Variants in TNIK observed in about 807,000 individuals in gnomAD.
TNIK encodes TRAF2 and NCK-interacting protein kinase.
Under a neutral mutation model 191.3 loss-of-function variants are expected in TNIK, and 49 were observed. The ratio of observed to expected loss-of-function variants is 0.26; its 90% CI spans 0.20 to 0.32. The LOEUF (loss-of-function observed/expected upper bound fraction) is 0.32. TNIK is among the 10% of genes least tolerant of loss of function. The pLI is 1.00. For missense variants in TNIK, 1,155 were observed against 1,702.3 expected (o/e 0.68, Z 5.66); for synonymous variants, 594 against 600.9 (o/e 0.99, Z 0.17).
Position 171,123,714 on chromosome 3 carries a change from C to T in TNIK, c.2014-12G>A. Reference sequence around the variant, plus strand: ...GTTCTTTGAGGCACCTGGAAGAAACCAGAATTCAGAAATATTTTCCATAAA... The same window carrying T: ...GTTCTTTGAGGCACCTGGAAGAAACTAGAATTCAGAAATATTTTCCATAAA... On this transcript the variant is annotated splice_polypyrimidine_tract_variant and intron_variant, in intron 17 of 32. Transcript: ENST00000436636. 1.3e-6 allele frequency: 2 copies of T among 1,545,548 alleles called. No homozygotes were observed. The highest frequency in any genetic ancestry group is 1.7e-6 in the Non-Finnish European group (2 of 1,143,216).
At chr3:171,068,143 C>T (rs893660178) in intron 30 of TNIK, among the ~76,000 whole-genome samples, 1 of 152,112 alleles carries the variant, frequency 6.6e-6, no homozygotes, top group Non-Finnish European at 1.5e-5. Flanking sequence ...CAGCATTTCC[C>T]TTTAACAGTT....
At chr3:171,118,939 G>T (rs1727213516) in intron 18 of TNIK, among the ~76,000 whole-genome samples, 1 of 152,184 alleles carries the variant, frequency 6.6e-6, no homozygotes, top group African/African-American at 2.4e-5. Flanking sequence ...ATTGACAAAT[G>T]GGATCTAATT....
Position 171,188,841 on chromosome 3 carries a change from G to T in TNIK, c.509-9C>A, listed in dbSNP as rs1737680217. The T allele has an allele frequency of 6.2e-7, 1 of 1,612,064 alleles. No homozygotes were observed. The highest frequency in any genetic ancestry group is 1.7e-5 in the Admixed American group (1 of 59,776). On this transcript the variant is annotated splice_polypyrimidine_tract_variant and intron_variant, in intron 6 of 32. Transcript: ENST00000436636. The stretch of plus-strand genomic sequence containing the variant: ...ACTGACTCCAAAGTCCACTATTTAA[G>T]AAAAGACAAGTAAATAAAGTCTGTG...
chr3:171,099,655 A>G (rs1723178067), intron 22 of TNIK, among the ~76,000 whole-genome samples: 1 of 152,116 alleles, frequency 6.6e-6, no homozygotes, highest in African/African-American at 2.4e-5. Flanking sequence ...TACACACAAC[A>G]TACAGCGGTA....
intron 1 of TNIK, among the ~76,000 whole-genome samples, chr3:171,402,364 G>A (rs1000867313): frequency 6.6e-6 from 1 of 152,188 alleles, no homozygotes; most frequent in African/African-American, 2.4e-5. Context: ...CCAGTCTAAA[G>A]AGAAGTAAAG....
At chr3:171,306,833 G>T (rs1048125001) in intron 2 of TNIK, among the ~76,000 whole-genome samples, 5 of 152,066 alleles carry the variant, frequency 3.3e-5, no homozygotes, top group African/African-American at 1.2e-4. Flanking sequence ...TCCATGCTCG[G>T]CTTTTCTTAA....
At chr3:171,324,789 G>A (rs1755554084) in intron 2 of TNIK, among the ~76,000 whole-genome samples, 1 of 152,140 alleles carries the variant, frequency 6.6e-6, no homozygotes, top group South Asian at 2.1e-4. Context: ...GTCAGAAAGA[G>A]ACCAGTTTGT....
intron 30 of TNIK, 96 bp downstream of exon 30, chr3:171,068,752 G>C: frequency 7.8e-7 from 1 of 1,280,980 alleles, no homozygotes; most frequent in Non-Finnish European, 1.0e-6. Context: ...TTAGTAAAGT[G>C]TGCATGACTT....
chr3:171,261,292 C>A (rs1394933245), intron 2 of TNIK, among the ~76,000 whole-genome samples: 1 of 152,208 alleles, frequency 6.6e-6, no homozygotes, highest in African/African-American at 2.4e-5. Context: ...AGTAAACAGA[C>A]ATACATATTT....
chr3:171,229,621 C>T (rs1011906581), intron 2 of TNIK, among the ~76,000 whole-genome samples: 87 of 152,292 alleles, frequency 5.7e-4, no homozygotes, highest in African/African-American at 2.0e-3. Context: ...TTCTCCCTTA[C>T]TAACCTAATT....
At chr3:171,172,947 C>T (rs868671046) in intron 9 of TNIK, among the ~76,000 whole-genome samples, 8 of 152,292 alleles carry the variant, frequency 5.3e-5, no homozygotes, top group Middle Eastern at 6.8e-3. Flanking sequence ...GTTTGTATTT[C>T]TCAAACAAGG....
intron 4 of TNIK, among the ~76,000 whole-genome samples, chr3:171,206,159 C>A (rs1740046209): frequency 6.6e-6 from 1 of 151,932 alleles, no homozygotes; most frequent in Non-Finnish European, 1.5e-5. Context: ...TAAGTACTTT[C>A]ATAAATTTTG....
In TNIK at chr3:171,424,546, C is replaced by T. The variant is rs1047001532; in HGVS notation, c.57+35461G>A. ...GACACATGCACACGGATGTTTATTG[C>T]GGCACTATTCACAATAGCAAAGGCT... On this transcript the variant is annotated intron_variant, in intron 1 of 32. Transcript: ENST00000436636. 9.9e-5 allele frequency among the ~76,000 whole-genome samples: 15 copies of T among 152,124 alleles called. 1 individual carries two copies. The East Asian group carries it at 2.3e-3, about 23-fold the overall frequency.
At chr3:171,295,584 C>A (rs1752201808) in intron 2 of TNIK, among the ~76,000 whole-genome samples, 1 of 152,218 alleles carries the variant, frequency 6.6e-6, no homozygotes, top group African/African-American at 2.4e-5. Context: ...AAAGTCTTTG[C>A]TTTCTGACAG....
At chr3:171,389,663 A>G (rs994846558) in intron 1 of TNIK, among the ~76,000 whole-genome samples, 1 of 152,142 alleles carries the variant, frequency 6.6e-6, no homozygotes, top group Non-Finnish European at 1.5e-5. Context: ...TGGCCACAGG[A>G]GATTCTTTTA....
chr3:171,321,721 C>T (rs79639693), intron 2 of TNIK, among the ~76,000 whole-genome samples: 1,672 of 152,218 alleles, frequency 0.011, 24 homozygotes, highest in African/African-American at 0.039. Context: ...GATTAACACA[C>T]CAGGCGGGAA....
intron 31 of TNIK, 36 bp downstream of exon 31, chr3:171,066,540 G>A (rs762492446): frequency 2.5e-6 from 4 of 1,611,124 alleles, no homozygotes; most frequent in Admixed American, 3.3e-5. Flanking sequence ...TTTGGGGGGT[G>A]TAACTGCTGA....
In TNIK at chr3:171,308,704, CA is replaced by C. The variant is rs369588340; in HGVS notation, c.123+60915del. 3.5e-4 allele frequency among the ~76,000 whole-genome samples: 53 copies of C among 152,078 alleles called. 1 individual carries two copies. The East Asian group carries it at 8.3e-3, about 24-fold the overall frequency. Reference sequence around the variant, plus strand: ...AGACTCCATAGGGAGCTTAATTGAACAAGCAAAAAACAAACACCACCACTTA... The same window carrying C: ...AGACTCCATAGGGAGCTTAATTGAACAGCAAAAAACAAACACCACCACTTA... On this transcript the variant is annotated intron_variant, in intron 2 of 32. Transcript: ENST00000436636.
At chr3:171,414,481 G>T (rs961898681) in intron 1 of TNIK, among the ~76,000 whole-genome samples, 5 of 152,180 alleles carry the variant, frequency 3.3e-5, no homozygotes, top group Non-Finnish European at 7.3e-5. Context: ...AGACCTGCTG[G>T]ATGCATCATA....
Sources: allele counts gnomAD v4.1 joint callset (sites outside exome capture counted in the v4.1 genomes callset), GRCh38; gene constraint gnomAD v4.1.1; transcripts MANE v1.5; gene names NCBI Gene and HGNC (gene_info 2026-07-23, HGNC 2026-07-21).